Variants in PIH1D1 observed in about 807,000 individuals in gnomAD.
The protein encoded by PIH1D1 is PIH1 domain-containing protein 1.
PIH1D1 carries 28 observed loss-of-function variants against 38.5 expected under a neutral mutation model. The observed-to-expected ratio is 0.73, with a 90% CI of 0.54 to 1.00. The LOEUF (loss-of-function observed/expected upper bound fraction) is 1.00. PIH1D1 is among the 50% of genes least tolerant of loss of function. The probability of loss-of-function intolerance (pLI) is 0.00; values close to 1 mark genes in which losing one functional copy is unlikely to be tolerated. For missense variants in PIH1D1, 343 were observed against 369.9 expected (o/e 0.93, Z 0.60); for synonymous variants, 155 against 153.5 (o/e 1.01, Z -0.07).
intron 5 of PIH1D1, 86 bp downstream of exon 5, chr19:49,447,741 C>G (rs1266661961): frequency 1.4e-6 from 2 of 1,408,790 alleles, no homozygotes; most frequent in Non-Finnish European, 2.0e-6. Context: ...GGCACCCTGC[C>G]CAAGCCAGCC....
In PIH1D1 at chr19:49,446,640, C is replaced by T. The variant is rs773060882; in HGVS notation, c.742G>A (p.Gly248Ser). Residue 248 changes from glycine to serine, a missense_variant, in exon 8 of 9, where the codon GGC becomes AGC. Transcript: ENST00000262265. Reference protein sequence around the residue: ...EIGENRLVMGGPQQLYHLDAY... With the variant: ...EIGENRLVMGSPQQLYHLDAY... Reference sequence around the variant, plus strand: ...TCTAGATGATACAGCTGCTGGGGGCCCCCCATCACCAGGCGGTTCTCCCCG... The same window carrying T: ...TCTAGATGATACAGCTGCTGGGGGCTCCCCATCACCAGGCGGTTCTCCCCG... 1.2e-6 allele frequency: 2 copies of T among 1,604,646 alleles called. No homozygotes were observed. Among genetic ancestry groups the T allele is most frequent in the African/African-American group, 1.3e-5 (1 of 74,612 alleles).
chr19:49,447,343 C>CCT lies in PIH1D1; in HGVS notation c.605_606insAG (p.Ser203GlyfsTer9). The CCT allele has an allele frequency of 6.2e-7, 1 of 1,613,948 alleles. No individual in the cohort carries two copies. Among genetic ancestry groups the CCT allele is most frequent in the Non-Finnish European group, 8.5e-7 (1 of 1,179,972 alleles). Reference sequence around the variant, plus strand: ...GGGATCTACCGAAGGCCCACCCTGACTCAGCTCTCCCGGGGGCGGGCGTGT... The same window carrying CCT: ...GGGATCTACCGAAGGCCCACCCTGACCTTCAGCTCTCCCGGGGGCGGGCGTGT... On this transcript the variant is annotated frameshift_variant, in exon 6 of 9. Coordinates refer to ENST00000262265, the MANE Select transcript of PIH1D1 (RefSeq NM_017916.3). LOFTEE classifies it high-confidence loss of function.
intron 5 of PIH1D1, 61 bp from the exon 6 acceptor site, chr19:49,447,528 G>C (rs1044839725): frequency 6.3e-7 from 1 of 1,584,918 alleles, no homozygotes; most frequent in African/African-American, 1.3e-5. Flanking sequence ...TGGGGGCCAA[G>C]AGCCTCCCGG....
At position 49,449,624 on chromosome 19, in the gene PIH1D1, C is replaced by T. The variant is rs1243597106; in HGVS notation, c.188G>A (p.Gly63Glu). The T allele has an allele frequency of 1.2e-6, 2 of 1,614,104 alleles. No individual in the cohort carries two copies. Among genetic ancestry groups the T allele is most frequent in the South Asian group, 2.2e-5 (2 of 91,082 alleles). The change falls in exon 3 of 9, where the codon GGG becomes GAG. Residue 63 changes from glycine (G) to glutamate (E), a missense_variant. Coordinates refer to ENST00000262265, the MANE Select transcript of PIH1D1 (RefSeq NM_017916.3). ...GFCIKTNSSE[G>E]KVFINICHSP... ...GTGGCAGATGTTGATGAAAACCTTC[C>T]CTTCCGAGGAGTTGGTCTTTATGCA...
chr19:49,447,708 C>A, intron 5 of PIH1D1, 119 bp downstream of exon 5: 3 of 1,116,720 alleles, frequency 2.7e-6, no homozygotes, highest in South Asian at 1.3e-5. Context: ...GACTCCACCC[C>A]CTCCTAGTAG....
In PIH1D1 at chr19:49,451,468, G is replaced by A. The variant is rs763102091; in HGVS notation, c.90+17C>T. ...AATCCCCGAATACTCAAGGATCCAG[G>A]GGTCCGGTCACTGCACCTGCAGCAG... On this transcript the variant is annotated intron_variant, in intron 1 of 8. Coordinates refer to ENST00000262265, the MANE Select transcript of PIH1D1 (RefSeq NM_017916.3). The A allele has an allele frequency of 1.9e-6, 3 of 1,613,540 alleles. No individual in the cohort carries two copies. The highest frequency in any genetic ancestry group is 2.2e-5 in the South Asian group (2 of 91,072).
chr19:49,446,894 C>T, intron 7 of PIH1D1, 130 bp downstream of exon 7: 6 of 1,082,962 alleles, frequency 5.5e-6, no homozygotes, highest in Admixed American at 2.0e-5. Context: ...AGAAGGTGGC[C>T]TGTGGGCCTC....
At chr19:49,450,988 G>T in intron 1 of PIH1D1, 140 bp from the exon 2 acceptor site, 3 of 1,384,684 alleles carry the variant, frequency 2.2e-6, no homozygotes, top group Non-Finnish European at 3.0e-6. Context: ...TTTCTCCTTT[G>T]AGAACTAGAA....
intron 1 of PIH1D1, chr19:49,451,080 A>C (rs2079056567): frequency 2.8e-6 from 2 of 722,538 alleles, no homozygotes; most frequent in Admixed American, 3.9e-5. Context: ...CCCAGGCTGG[A>C]GTGCAGTGCC....
chr19:49,447,733 C>A, intron 5 of PIH1D1, 94 bp downstream of exon 5: 2 of 1,315,858 alleles, frequency 1.5e-6, no homozygotes, highest in South Asian at 1.2e-5. Context: ...GACTCCAGGG[C>A]ACCCTGCCCA....
intron 2 of PIH1D1, among the ~76,000 whole-genome samples, chr19:49,450,570 C>T (rs2079052085): frequency 2.0e-5 from 3 of 152,188 alleles, no homozygotes; most frequent in Admixed American, 6.5e-5. Context: ...AGGCACGTGC[C>T]ACCGCACCTG....
intron 3 of PIH1D1, chr19:49,449,183 C>G (rs2079042932): frequency 1.9e-6 from 1 of 536,462 alleles, no homozygotes; most frequent in Non-Finnish European, 3.4e-6. Context: ...AAGGAGACAG[C>G]AGGCTCAGGA....
In PIH1D1 at chr19:49,451,545, C is replaced by T; in HGVS notation, c.30G>A (p.Gly10=). Residue 10 remains glycine (G), a synonymous_variant, in exon 1 of 9, where the codon GGG becomes GGA. Coordinates refer to ENST00000262265, the MANE Select transcript of PIH1D1 (RefSeq NM_017916.3). MANPKLLGM[G]LSEAEAIGAD... The stretch of plus-strand genomic sequence containing the variant: ...CACCGATCGCCTCCGCCTCGCTTAG[C>T]CCCATTCCCAGCAGCTTCGGGTTCG... 6.2e-7 allele frequency: 1 copy of T among 1,613,732 alleles called. No individual in the cohort carries two copies. The highest frequency in any genetic ancestry group is 2.2e-5 in the East Asian group (1 of 44,870).
chr19:49,451,589 G>C lies in PIH1D1; in HGVS notation c.-15C>G. 6 of 1,612,102 alleles carry C rather than the reference G, an allele frequency of 3.7e-6. No individual in the cohort carries two copies. The highest frequency in any genetic ancestry group is 5.1e-6 in the Non-Finnish European group (6 of 1,179,774). ...GGGTTCGCCATGGCCCTGGGAAAGA[G>C]ATCTAGGCGTCCTCGAGACCCTCAA... On this transcript the variant is annotated 5_prime_UTR_variant, in exon 1 of 9. In the 5' UTR this introduces an upstream ATG that the reference lacks. Transcript: ENST00000262265.
At chr19:49,448,098 C>G (rs751266733) in intron 3 of PIH1D1, 36 bp from the exon 4 acceptor site, 1 of 1,607,102 alleles carries the variant, frequency 6.2e-7, no homozygotes, top group Non-Finnish European at 8.5e-7. Flanking sequence ...ACCCCCCAGC[C>G]CTCTGCAGGA....
chr19:49,450,392 C>T (rs1462392998), intron 2 of PIH1D1, among the ~76,000 whole-genome samples: 1 of 149,138 alleles, frequency 6.7e-6, no homozygotes, highest in Non-Finnish European at 1.5e-5. Context: ...TGTGCCCAGC[C>T]TCTCTTCCTA....
chr19:49,448,468 G>T (rs2097530920), intron 3 of PIH1D1: 3 of 258,324 alleles, frequency 1.2e-5, no homozygotes, highest in Non-Finnish European at 2.3e-5. Flanking sequence ...ATTACTGGCT[G>T]ATCCAATCCA....
At chr19:49,451,309 G>A (rs1044384587) in intron 1 of PIH1D1, 176 bp downstream of exon 1, 2 of 836,616 alleles carry the variant, frequency 2.4e-6, no homozygotes, top group Non-Finnish European at 3.7e-6. Context: ...GATTACAGGT[G>A]TGAGCCACCG....
chr19:49,447,162 C>T, intron 6 of PIH1D1, 63 bp from the exon 7 acceptor site: 2 of 1,503,514 alleles, frequency 1.3e-6, no homozygotes, highest in South Asian at 1.2e-5. Context: ...CGTGCTGTCC[C>T]TTTTCTCCCT....
Sources: allele counts gnomAD v4.1 joint callset (sites outside exome capture counted in the v4.1 genomes callset), GRCh38; gene constraint gnomAD v4.1.1; transcripts MANE v1.5; gene names NCBI Gene and HGNC (gene_info 2026-07-23, HGNC 2026-07-21).